Variants in LMAN1L observed in about 807,000 individuals in gnomAD.
LMAN1L encodes the protein protein ERGIC-53-like.
Under a neutral mutation model 58.3 loss-of-function variants are expected in LMAN1L, and 60 were observed. That is an observed-to-expected ratio of 1.03 (90% CI 0.84 to 1.27). The LOEUF (loss-of-function observed/expected upper bound fraction) is 1.27. Ranked by LOEUF, LMAN1L falls within the 50% of genes most tolerant of loss-of-function variation. The pLI is 0.00. For synonymous variants in LMAN1L, 280 were observed against 271.6 expected (o/e 1.03, Z -0.31); for missense variants, 629 against 674.0 (o/e 0.93, Z 0.74).
At chr15:74,821,957 TG>T in intron 10 of LMAN1L, 57 bp downstream of exon 10, 1 of 1,228,150 alleles carries the variant, frequency 8.1e-7, no homozygotes, top group Non-Finnish European at 1.2e-6. Context: ...GCTGGTGCTC[TG>T]GGAGAACCAG....
chr15:74,814,124 C>CAAA (rs550948566), intron 1 of LMAN1L, among the ~76,000 whole-genome samples: 4 of 64,144 alleles, frequency 6.2e-5, no homozygotes, highest in South Asian at 3.9e-4. Context: ...GACTCTGGCT[C>CAAA]AAAAAAAAAA....
At chr15:74,818,014 G>GAAAA (rs368241559) in intron 4 of LMAN1L, among the ~76,000 whole-genome samples, 115 of 127,010 alleles carry the variant, frequency 9.1e-4, no homozygotes, top group Non-Finnish European at 1.7e-3. Flanking sequence ...CTCCGTCTCA[G>GAAAA]AAAAAAAAAA....
chr15:74,816,837 G>T lies in LMAN1L; in HGVS notation c.497+147G>T, dbSNP rs978664403. The T allele has an allele frequency of 4.0e-6, 3 of 744,012 alleles. No homozygotes were observed. In the South Asian group the frequency reaches 5.6e-5, roughly 14 times the overall value. The allele number at this position is 744,012 out of a possible 1,614,324, so 46.1% of individuals were successfully genotyped here. On this transcript the variant is annotated intron_variant, in intron 4 of 13. Coordinates refer to ENST00000309664, the MANE Select transcript of LMAN1L (RefSeq NM_021819.3). The stretch of plus-strand genomic sequence containing the variant: ...ACTTGCTGGACTCTCTCACTTAGCC[G>T]ACGTCCGCCCCCCTGGGGCTTGATT...
In LMAN1L at chr15:74,820,715, G is replaced by C; in HGVS notation, c.855G>C (p.Leu285Phe). ...QLEGLWARLG[L>F]GTREDVTPKS... ...AAGGGCTGTGGGCAAGGCTGGGCTT[G>C]GGCACCAGGGAGGATGTAACTCCAA... Residue 285 changes from leucine (L) to phenylalanine (F), a missense_variant, in exon 8 of 14, where the codon TTG (leucine) becomes TTC (phenylalanine). Coordinates refer to ENST00000309664, the MANE Select transcript of LMAN1L (RefSeq NM_021819.3). 1.2e-6 allele frequency: 2 copies of C among 1,613,816 alleles called. No individual in the cohort carries two copies. The highest frequency in any genetic ancestry group is 2.7e-5 in the African/African-American group (2 of 75,026).
At chr15:74,813,773 G>T (rs893939909) in intron 1 of LMAN1L, among the ~76,000 whole-genome samples, 1 of 152,182 alleles carries the variant, frequency 6.6e-6, no homozygotes, top group African/African-American at 2.4e-5. Flanking sequence ...TTAATTCTGA[G>T]CCTCTTAGCA....
chr15:74,820,566 T>C (rs1276680673), intron 7 of LMAN1L, 69 bp from the exon 8 acceptor site: 5 of 1,593,546 alleles, frequency 3.1e-6, no homozygotes, highest in Non-Finnish European at 4.3e-6. Context: ...GGGAAGCCTG[T>C]GGGAAGGCTC....
chr15:74,819,768 T>G, intron 6 of LMAN1L: 1 of 554,934 alleles, frequency 1.8e-6, no homozygotes, highest in Non-Finnish European at 3.3e-6. Flanking sequence ...TGTCAGATGG[T>G]CTGCTGCCAT....
intron 6 of LMAN1L, chr15:74,819,799 TG>T: frequency 3.4e-6 from 2 of 584,250 alleles, no homozygotes; most frequent in East Asian, 5.8e-5. Flanking sequence ...CAGGATGTTT[TG>T]GGATCGTCCA....
chr15:74,821,099 AGAC>A lies in LMAN1L; in HGVS notation c.934_936del (p.Thr312del). ...GGGGAAAGGCTCTTTGACCTGGAGG[AGAC>A]GCTGGGCAGACACCGCCGGATCCTG... On this transcript the variant is annotated inframe_deletion, in exon 9 of 14. Transcript: ENST00000309664. The A allele has an allele frequency of 6.3e-7, 1 of 1,575,052 alleles. No homozygotes were observed. Among genetic ancestry groups the A allele is most frequent in the Non-Finnish European group, 8.6e-7 (1 of 1,160,474 alleles).
Position 74,821,886 on chromosome 15 carries a change from A to G in LMAN1L, c.1117A>G (p.Met373Val), listed in dbSNP as rs2063918447. 6.2e-7 allele frequency: 1 copy of G among 1,609,330 alleles called. No homozygotes were observed. ...CCCAGGGAGGGGTGGCCACCTCTCC[A>G]TGTCACTCAATAAGGTAGGGACCCA... is the stretch of plus-strand genomic sequence containing the variant. ...STPGRGGHLS[M>V]SLNKDSAKVG... Residue 373 changes from methionine to valine, a missense_variant, in exon 10 of 14, where the codon ATG becomes GTG. Met to Val is a conservative substitution (Grantham distance 21, BLOSUM62 1). Transcript: ENST00000309664.
intron 9 of LMAN1L, among the ~76,000 whole-genome samples, 186 bp from the exon 10 acceptor site, chr15:74,821,643 G>A (rs2063917319): frequency 6.6e-6 from 1 of 152,222 alleles, no homozygotes; most frequent in African/African-American, 2.4e-5. Flanking sequence ...GGGGGCCTGA[G>A]AGCTAAACTC....
At chr15:74,821,469 T>C (rs1341449875) in intron 9 of LMAN1L, among the ~76,000 whole-genome samples, 1 of 152,242 alleles carries the variant, frequency 6.6e-6, no homozygotes, top group East Asian at 1.9e-4. Flanking sequence ...GACTCAGCTC[T>C]GTAGATGAAT....
At position 74,820,461 on chromosome 15, in the gene LMAN1L, C is replaced by A; in HGVS notation, c.775-174C>A. ...AGCACATATAGGCTTGAGGCCACAG[C>A]AGGGAGGGAAGATGGTGGGGATCTG... is the stretch of plus-strand genomic sequence containing the variant. On this transcript the variant is annotated intron_variant, in intron 7 of 13. Coordinates refer to ENST00000309664, the MANE Select transcript of LMAN1L (RefSeq NM_021819.3). The A allele has an allele frequency of 6.0e-6, 5 of 828,840 alleles. No homozygotes were observed. In the South Asian group the frequency reaches 7.7e-5, roughly 13 times the overall value. The allele number at this position is 828,840 out of a possible 1,614,324, so 51.3% of individuals were successfully genotyped here. A position where few individuals can be genotyped will look rare whatever the true frequency, so the allele number is the denominator to read the frequency against.
chr15:74,819,602 G>T (rs928826610), intron 6 of LMAN1L: 37 of 490,448 alleles, frequency 7.5e-5, no homozygotes, highest in Non-Finnish European at 1.1e-4. Context: ...TCCCACAGCG[G>T]GAAAGCTGAG....
rs1169246381 is a variant in LMAN1L at position 74,825,157 on chromosome 15, T to A, written c.1452-319T>A. The A allele has an allele frequency of 2.5e-5, 5 of 200,892 alleles. No homozygotes were observed. In the Admixed American group the frequency reaches 2.6e-4, roughly 11 times the overall value. The allele number at this position is 200,892 out of a possible 1,614,324, so 12.4% of individuals were successfully genotyped here. A position where few individuals can be genotyped will look rare whatever the true frequency, so the allele number is the denominator to read the frequency against. ...TGGTGGAATTTCAAGACAAGAAGAG[T>A]CCGTGTGGGCTGGGATGGTCCTGGA... is the stretch of plus-strand genomic sequence containing the variant. On this transcript the variant is annotated intron_variant, in intron 13 of 13. Transcript: ENST00000309664.
rs765008222 is a variant in LMAN1L, at chr15:74,825,624, T to C, written c.*19T>C. On this transcript the variant is annotated 3_prime_UTR_variant, in exon 14 of 14. Transcript: ENST00000309664. ...TGCCTGACCCACCTCAGAGCCTGCT[T>C]TGCATCACTGGGAAGCAGGCAGTGT... The C allele has an allele frequency of 6.2e-7, 1 of 1,600,722 alleles. No homozygotes were observed.
intron 10 of LMAN1L, 43 bp downstream of exon 10, chr15:74,821,943 CTTG>C: frequency 7.2e-7 from 1 of 1,383,244 alleles, no homozygotes; most frequent in Non-Finnish European, 1.0e-6. Context: ...CTGGCCCCAG[CTTG>C]GCTGGTGCTC....
chr15:74,818,714 A>G lies in LMAN1L; in HGVS notation c.498-4A>G. Reference sequence around the variant, plus strand: ...AAACAAACAAATGAACAAACTGCCCACAGGGATGGAGCTAGCCAAGGGCTG... The same window carrying G: ...AAACAAACAAATGAACAAACTGCCCGCAGGGATGGAGCTAGCCAAGGGCTG... On this transcript the variant is annotated splice_polypyrimidine_tract_variant and splice_region_variant and intron_variant, in intron 4 of 13. Transcript: ENST00000309664. 6.2e-7 allele frequency: 1 copy of G among 1,602,756 alleles called. No individual in the cohort carries two copies. The highest frequency in any genetic ancestry group is 8.5e-7 in the Non-Finnish European group (1 of 1,174,760).
intron 1 of LMAN1L, chr15:74,813,420 C>G (rs1188624460): frequency 4.3e-6 from 2 of 460,560 alleles, no homozygotes; most frequent in Non-Finnish European, 8.7e-6. Flanking sequence ...TCCATCCCAG[C>G]GGGCCTGTGG....
Sources: gnomAD v4.1 joint callset for allele counts (sites outside exome capture counted in the v4.1 genomes callset) on GRCh38, gnomAD v4.1.1 for gene constraint, MANE v1.5 for transcripts, NCBI Gene and HGNC (gene_info 2026-07-23, HGNC 2026-07-21) for gene names.